The following BNIP3 variants were observed in gnomAD, a reference collection of about 807,000 sequenced individuals.
BNIP3 encodes the protein BCL2/adenovirus E1B 19 kDa protein-interacting protein 3.
In BNIP3, 16 loss-of-function variants were observed where a neutral mutation model predicts 23.9. That is an observed-to-expected ratio of 0.67 (90% CI 0.45 to 1.01). BNIP3 has a LOEUF of 1.01. Among genes scored for constraint, BNIP3 ranks in the 50% least tolerant of loss-of-function variants. The pLI, the probability that BNIP3 is intolerant of heterozygous loss-of-function variation, is 0.00. For synonymous variants in BNIP3, 81 were observed against 89.3 expected (o/e 0.91, Z 0.53); for missense variants, 198 against 248.7 (o/e 0.80, Z 1.37).
chr10:131,971,330 A>G lies in BNIP3; in HGVS notation c.283-360T>C, dbSNP rs140983069. 1,190 of 267,416 alleles carry G rather than the reference A, an allele frequency of 4.4e-3. 5 individuals carry two copies. Among genetic ancestry groups the G allele is most frequent in the Middle Eastern group, 0.015 (12 of 778 alleles). The allele number at this position is 267,416 out of a possible 1,614,324, so 16.6% of individuals were successfully genotyped here. A position where few individuals can be genotyped will look rare whatever the true frequency, so the allele number is the denominator to read the frequency against. On this transcript the variant is annotated intron_variant, in intron 3 of 5. Coordinates refer to ENST00000368636, the MANE Select transcript of BNIP3 (RefSeq NM_004052.4). ...AAAGATGGTGACGGCAGCACTGGTTATAAGAAAAGAAAATGAAAACAGCCG... is the reference window on the plus strand; with the variant it reads ...AAAGATGGTGACGGCAGCACTGGTTGTAAGAAAAGAAAATGAAAACAGCCG...
At chr10:131,981,415 T>G in intron 1 of BNIP3, 6 of 351,002 alleles carry the variant, frequency 1.7e-5, no homozygotes, top group East Asian at 8.9e-5. Context: ...AACGTGGACT[T>G]TGAGGCTGTT....
chr10:131,981,618 A>C, intron 1 of BNIP3, 143 bp downstream of exon 1: 1 of 1,053,500 alleles, frequency 9.5e-7, no homozygotes, highest in Non-Finnish European at 1.3e-6. Context: ...AGGGGTGGGT[A>C]CGGAAGGGGA....
In BNIP3 at chr10:131,970,882, G is replaced by T; in HGVS notation, c.371C>A (p.Pro124Gln). ...CACTCACTTGGGGGGAATATTTTCC[G>T]GCCGACTTGACCAATCCCATATCCA... ...SDWIWDWSSR[P>Q]ENIPPKEFLF... is the part of the protein sequence containing the mutation. The change falls in exon 4 of 6, where the codon CCG (proline) becomes CAG (glutamine). Residue 124 changes from proline to glutamine, a missense_variant. By Grantham distance (76) the Pro-to-Gln change is moderately conservative (BLOSUM62 -1). Transcript: ENST00000368636. The surrounding 1 kb of genome is among the most constrained non-coding windows in gnomAD (Gnocchi z 4.1). The T allele has an allele frequency of 1.2e-6, 2 of 1,614,164 alleles. No homozygotes were observed. Among genetic ancestry groups the T allele is most frequent in the Non-Finnish European group, 1.7e-6 (2 of 1,180,032 alleles).
chr10:131,979,221 T>C (rs771209803), intron 1 of BNIP3, among the ~76,000 whole-genome samples: 19 of 152,246 alleles, frequency 1.2e-4, no homozygotes, highest in Non-Finnish European at 2.2e-4. Context: ...TGACCATCTA[T>C]GAAATGCAAG....
At chr10:131,972,306 G>C (rs12250460) in intron 3 of BNIP3, among the ~76,000 whole-genome samples, 2,318 of 152,242 alleles carry the variant, frequency 0.015, 64 homozygotes, top group African/African-American at 0.051. Context: ...TATAGTCCCA[G>C]TATTTTGGGA....
At chr10:131,974,436 G>A (rs1309531131) in intron 1 of BNIP3, among the ~76,000 whole-genome samples, 5 of 152,216 alleles carry the variant, frequency 3.3e-5, no homozygotes, top group Non-Finnish European at 7.3e-5. Context: ...CACCCAGGCT[G>A]GGGTGCAGTG....
chr10:131,972,363 G>A (rs1007267184), intron 3 of BNIP3, among the ~76,000 whole-genome samples: 3 of 152,086 alleles, frequency 2.0e-5, no homozygotes, highest in African/African-American at 7.2e-5. Context: ...GCAACACAGG[G>A]AGACCCCGTC....
At position 131,974,995 on chromosome 10, in the gene BNIP3, C is replaced by T. The variant is rs7904350; in HGVS notation, c.47-1052G>A. Among the ~76,000 whole-genome samples, 1,376 of 152,214 alleles carry T rather than the reference C, an allele frequency of 9.0e-3. 19 individuals carry two copies. The highest frequency in any genetic ancestry group is 0.03 in the African/African-American group (1,228 of 41,512). On this transcript the variant is annotated intron_variant, in intron 1 of 5. Transcript: ENST00000368636. ...TTTAAATATGTTGCAAGTAACTTTC[C>T]CTCGGTAGCTTGTTCTTTTCACTTC...
chr10:131,979,417 G>T (rs1013426155), intron 1 of BNIP3, among the ~76,000 whole-genome samples: 1 of 152,180 alleles, frequency 6.6e-6, no homozygotes, highest in East Asian at 1.9e-4. Context: ...AAGAGGTGAG[G>T]GCTTGGATTA....
intron 1 of BNIP3, among the ~76,000 whole-genome samples, chr10:131,977,601 C>T (rs564819775): frequency 6.6e-6 from 1 of 152,286 alleles, no homozygotes; most frequent in African/African-American, 2.4e-5. Context: ...AGGGACCCAC[C>T]TCCCTCCATC....
rs768735190 is a variant in BNIP3, at chr10:131,970,830, A to C, written c.389+34T>G. 2 of 1,614,204 alleles carry C rather than the reference A, an allele frequency of 1.2e-6. No homozygotes were observed. The highest frequency in any genetic ancestry group is 1.7e-5 in the Admixed American group (1 of 60,028). On this transcript the variant is annotated intron_variant, in intron 4 of 5. Coordinates refer to ENST00000368636, the MANE Select transcript of BNIP3 (RefSeq NM_004052.4). The surrounding 1 kb of genome is among the most constrained non-coding windows in gnomAD (Gnocchi z 4.1). ...GTGTCAGCTGATGTGTCCTCTGTCA[A>C]GGGGTGCCCCCGTGACACTGAGAAC...
chr10:131,972,884 TTTTTTTGTTTCGC>T, intron 3 of BNIP3, 137 bp downstream of exon 3: 1 of 725,500 alleles, frequency 1.4e-6, no homozygotes, highest in Non-Finnish European at 2.2e-6. Flanking sequence ...AGTTTCTTGG[TTTTTTTGTTTCGC>T]TTTTTTGTTT....
chr10:131,971,535 A>C (rs1048042395), intron 3 of BNIP3: 1 of 152,906 alleles, frequency 6.5e-6, no homozygotes, highest in Non-Finnish European at 1.5e-5. Context: ...TAAATCTGAG[A>C]GTCTAAGTGT....
intron 1 of BNIP3, among the ~76,000 whole-genome samples, chr10:131,977,988 CAAAG>C (rs1429020853): frequency 1.3e-5 from 2 of 152,160 alleles, no homozygotes; most frequent in Non-Finnish European, 2.9e-5. Context: ...TTCACCTTTT[CAAAG>C]AAAGATGGGC....
rs568547885 is a variant in BNIP3, at chr10:131,970,322, G to T, written c.539+316C>A. The T allele has an allele frequency of 5.4e-4, 212 of 394,626 alleles. No homozygotes were observed. Among genetic ancestry groups the T allele is most frequent in the African/African-American group, 3.7e-3 (183 of 49,146 alleles). 24.4% of individuals were successfully genotyped at this position (394,626 alleles called of 1,614,324 possible). The stretch of plus-strand genomic sequence containing the variant: ...TCCCGCCACAGTACTACACAGAAAT[G>T]AGACTGCTTTCACCTACACACAGGA... On this transcript the variant is annotated intron_variant, in intron 5 of 5. Coordinates refer to ENST00000368636, the MANE Select transcript of BNIP3 (RefSeq NM_004052.4). This position sits in a 1 kb window ranked among gnomAD's most constrained non-coding sequence, Gnocchi z 4.1.
At chr10:131,977,411 GAAGGAGAGAC>G (rs1183547913) in intron 1 of BNIP3, among the ~76,000 whole-genome samples, 1 of 152,222 alleles carries the variant, frequency 6.6e-6, no homozygotes, top group Non-Finnish European at 1.5e-5. Flanking sequence ...AGAGGAAGAT[GAAGGAGAGAC>G]AAGTGTATCT....
Position 131,981,773 on chromosome 10 carries a change from C to T in BNIP3, c.34G>A (p.Glu12Lys). Residue 12 changes from glutamate to lysine, a missense_variant, in exon 1 of 6, where the codon GAG becomes AAG. Physicochemically the swap from Glu to Lys is moderately conservative, Grantham distance 56. Transcript: ENST00000368636. ...SQNGAPGMQEESLQGSWVELH... is the reference protein window; with the variant it reads ...SQNGAPGMQEKSLQGSWVELH... ...TCCTCCGCCTCACCCTGCAGGCTCT[C>T]CTCCTGCATCCCGGGCGCTCCGTTC... 6.8e-7 allele frequency: 1 copy of T among 1,481,090 alleles called. No individual in the cohort carries two copies. The highest frequency in any genetic ancestry group is 8.9e-7 in the Non-Finnish European group (1 of 1,121,668). 91.7% of individuals were successfully genotyped at this position (1,481,090 alleles called of 1,614,324 possible).
intron 3 of BNIP3, among the ~76,000 whole-genome samples, chr10:131,972,784 G>GGACA (rs2133692436): frequency 1.3e-5 from 2 of 152,222 alleles, no homozygotes; most frequent in African/African-American, 4.8e-5. Flanking sequence ...AGGCAGGGAG[G>GGACA]GACAGGAGGC....
At chr10:131,979,587 G>A (rs1187281782) in intron 1 of BNIP3, among the ~76,000 whole-genome samples, 1 of 152,104 alleles carries the variant, frequency 6.6e-6, no homozygotes, top group Non-Finnish European at 1.5e-5. Flanking sequence ...GACATGTCTA[G>A]GAGAAAAGGG....
Sources: gnomAD v4.1 joint callset for allele counts (sites outside exome capture counted in the v4.1 genomes callset) on GRCh38, gnomAD v4.1.1 for gene constraint, Gnocchi (gnomAD v3.1) non-coding constraint, MANE v1.5 for transcripts, NCBI Gene and HGNC (gene_info 2026-07-23, HGNC 2026-07-21) for gene names.